STOX1: variants seen among roughly 807,000 people sequenced by gnomAD.
The protein encoded by STOX1 is storkhead box 1.
STOX1 carries 57 observed loss-of-function variants against 74.8 expected under a neutral mutation model. The observed-to-expected ratio is 0.76, with a 90% CI of 0.62 to 0.95. The LOEUF (loss-of-function observed/expected upper bound fraction) is 0.95. Ranked by LOEUF, STOX1 falls within the 40% of genes least tolerant of loss-of-function variation. The probability of loss-of-function intolerance (pLI) is 0.00; values close to 1 mark genes in which losing one functional copy is unlikely to be tolerated. For synonymous variants in STOX1, 375 were observed against 401.3 expected (o/e 0.93, Z 0.78); for missense variants, 1,010 against 1,117.0 (o/e 0.90, Z 1.37).
intron 1 of STOX1, among the ~76,000 whole-genome samples, chr10:68,854,873 A>G (rs1454519543): frequency 6.6e-6 from 1 of 152,028 alleles, no homozygotes; most frequent in Non-Finnish European, 1.5e-5. Context: ...TAAGGCTCCT[A>G]ATGCCTAGGG....
intron 3 of STOX1, among the ~76,000 whole-genome samples, chr10:68,889,626 C>T (rs537750818): frequency 6.6e-6 from 1 of 152,144 alleles, no homozygotes; most frequent in Non-Finnish European, 1.5e-5. Context: ...TGCAGTGGTG[C>T]GATCTCGGCT....
chr10:68,858,080 G>T (rs1436208495), intron 1 of STOX1, among the ~76,000 whole-genome samples: 2 of 152,120 alleles, frequency 1.3e-5, no homozygotes, highest in African/African-American at 4.8e-5. Flanking sequence ...AATGGGGTTA[G>T]GTTGTTGTGT....
chr10:68,883,375 C>T (rs1840857242), intron 2 of STOX1, among the ~76,000 whole-genome samples: 2 of 152,054 alleles, frequency 1.3e-5, no homozygotes, highest in African/African-American at 4.8e-5. Flanking sequence ...CATTAACCTA[C>T]CCATATGACT....
Position 68,884,409 on chromosome 10 carries a change from A to G in STOX1, c.613A>G (p.Met205Val). The G allele has an allele frequency of 6.2e-7, 1 of 1,614,120 alleles. No individual in the cohort carries two copies. The highest frequency in any genetic ancestry group is 1.3e-5 in the African/African-American group (1 of 75,050). ...TNTTTQENKR[M>V]LPSDESRLMP... ...TACAACCACCCAGGAAAATAAGAGA[A>G]TGCTGCCATCAGATGAAAGTCGCCT... The change falls in exon 3 of 4, where the codon ATG (methionine) becomes GTG (valine). Residue 205 changes from methionine (M) to valine (V), a missense_variant. Transcript: ENST00000298596.
In STOX1 at chr10:68,839,064, C is replaced by T. The variant is rs575252113; in HGVS notation, c.310+11131C>T. On this transcript the variant is annotated intron_variant, in intron 1 of 3. Transcript: ENST00000298596. ...TGTTGAAGTAATTTCATCCCATATC[C>T]ATGGATTGGGAGACTTAGTATTTTT... 1.2e-3 allele frequency among the ~76,000 whole-genome samples: 181 copies of T among 152,292 alleles called. 1 individual carries two copies. The highest frequency in any genetic ancestry group is 4.3e-3 in the African/African-American group (178 of 41,554).
chr10:68,834,990 C>T (rs2133491398), intron 1 of STOX1, among the ~76,000 whole-genome samples: 1 of 152,128 alleles, frequency 6.6e-6, no homozygotes, highest in East Asian at 1.9e-4. Context: ...TCCCAAAGTG[C>T]TGGGCTTATA....
At chr10:68,866,335 T>C (rs1840404016) in intron 1 of STOX1, among the ~76,000 whole-genome samples, 1 of 152,190 alleles carries the variant, frequency 6.6e-6, no homozygotes, top group Non-Finnish European at 1.5e-5. Flanking sequence ...AGAGAAATGA[T>C]TGAAATGTCT....
At chr10:68,830,566 C>G (rs1213021018) in intron 1 of STOX1, among the ~76,000 whole-genome samples, 9 of 152,168 alleles carry the variant, frequency 5.9e-5, no homozygotes, top group Non-Finnish European at 2.9e-5. Context: ...TGGTCTCGAA[C>G]TTCTGACCTC....
Position 68,827,712 on chromosome 10 carries a change from A to G in STOX1, c.89A>G (p.Glu30Gly). The G allele has an allele frequency of 1.1e-6, 1 of 901,496 alleles. No homozygotes were observed. Among genetic ancestry groups the G allele is most frequent in the Non-Finnish European group, 1.4e-6 (1 of 725,066 alleles). The allele number at this position is 901,496 out of a possible 1,614,324, so 55.8% of individuals were successfully genotyped here. The change falls in exon 1 of 4, where the codon GAG (glutamate) becomes GGG (glycine). Residue 30 changes from glutamate to glycine, a missense_variant. Transcript: ENST00000298596. Reference protein sequence around the residue: ...EAQKAAGAAEEPGGRAVFRAF... With the variant: ...EAQKAAGAAEGPGGRAVFRAF... ...CAGAAGGCGGCGGGGGCCGCGGAGG[A>G]GCCTGGTGGGCGCGCGGTGTTCCGC...
chr10:68,894,065 CTTTTT>C (rs757109078), downstream of STOX1, among the ~76,000 whole-genome samples: 3 of 143,284 alleles, frequency 2.1e-5, no homozygotes, highest in Admixed American at 7.0e-5. Flanking sequence ...CTTTTCTTTT[CTTTTT>C]TTTTTTTGAG....
At chr10:68,832,787 A>G (rs1466075524) in intron 1 of STOX1, among the ~76,000 whole-genome samples, 3 of 151,992 alleles carry the variant, frequency 2.0e-5, no homozygotes, top group Non-Finnish European at 4.4e-5. Flanking sequence ...GTTTTGAGAC[A>G]GAGTCTTGCT....
chr10:68,879,554 T>C (rs1219385249), intron 1 of STOX1, among the ~76,000 whole-genome samples: 2 of 152,140 alleles, frequency 1.3e-5, no homozygotes, highest in African/African-American at 4.8e-5. Flanking sequence ...ATGTCCACCA[T>C]CTCCACTAAG....
In STOX1 at chr10:68,852,248, G is replaced by GATTTTTT. The variant is rs200461358; in HGVS notation, c.310+24315_310+24316insATTTTTT. 8.2e-4 allele frequency among the ~76,000 whole-genome samples: 108 copies of GATTTTTT among 132,198 alleles called. 5 individuals carry two copies. Among genetic ancestry groups the GATTTTTT allele is most frequent in the Non-Finnish European group, 1.2e-3 (73 of 62,176 alleles). 86.7% of individuals were successfully genotyped at this position (132,198 alleles called of 152,430 possible). A position where few individuals can be genotyped will look rare whatever the true frequency, so the allele number is the denominator to read the frequency against. ...TATGAGTTTAAGTTTTTCTCTTACT[G>GATTTTTT]CTTTTTTTTTTTTTTTTTTTTGAGA... On this transcript the variant is annotated intron_variant, in intron 1 of 3. Transcript: ENST00000298596.
chr10:68,830,015 G>A (rs797018882), intron 1 of STOX1, among the ~76,000 whole-genome samples: 9 of 152,294 alleles, frequency 5.9e-5, no homozygotes, highest in African/African-American at 2.2e-4. Flanking sequence ...TGGGATGCAG[G>A]GTGGGGGGTC....
At chr10:68,853,795 C>G (rs879332331) in intron 1 of STOX1, among the ~76,000 whole-genome samples, 5 of 151,642 alleles carry the variant, frequency 3.3e-5, no homozygotes, top group Non-Finnish European at 7.4e-5. Context: ...AAGTGATTCT[C>G]CTGCCTCAGC....
intron 1 of STOX1, among the ~76,000 whole-genome samples, chr10:68,880,800 TCTC>T (rs1840799423): frequency 6.6e-6 from 1 of 152,076 alleles, no homozygotes. Context: ...TTTAAGCAAT[TCTC>T]CTGCCTCAGC....
intron 1 of STOX1, among the ~76,000 whole-genome samples, chr10:68,855,099 C>CAG (rs1409889508): frequency 6.7e-6 from 1 of 148,150 alleles, no homozygotes; most frequent in African/African-American, 2.5e-5. Context: ...GCCTGGGTGA[C>CAG]AGAAAGACTG....
At chr10:68,878,107 T>C (rs1201480809) in intron 1 of STOX1, among the ~76,000 whole-genome samples, 1 of 152,170 alleles carries the variant, frequency 6.6e-6, no homozygotes, top group Non-Finnish European at 1.5e-5. Context: ...GCAGTGGGGA[T>C]GGGTAATCAA....
rs1217625234 is a variant in STOX1, at chr10:68,882,329, C to CAATA, written c.463+235_463+238dup. ...CTTTTCCAAAAATAAATGCTTATGG[C>CAATA]AATAAATAAATAAATAAATCACACT... On this transcript the variant is annotated intron_variant, in intron 2 of 3. Coordinates refer to ENST00000298596, the MANE Select transcript of STOX1 (RefSeq NM_152709.5). Among the ~76,000 whole-genome samples the CAATA allele has an allele frequency of 4.6e-5, 7 of 151,942 alleles. No homozygotes were observed. The South Asian group carries it at 1.0e-3, about 23-fold the overall frequency.
Sources: allele counts gnomAD v4.1 joint callset (sites outside exome capture counted in the v4.1 genomes callset), GRCh38; gene constraint gnomAD v4.1.1; transcripts MANE v1.5; gene names NCBI Gene and HGNC (gene_info 2026-07-23, HGNC 2026-07-21).